The following UNC13C variants were observed in gnomAD, a reference collection of about 807,000 sequenced individuals.
The protein encoded by UNC13C is unc-13 homolog C.
UNC13C carries 174 observed loss-of-function variants against 245.4 expected under a neutral mutation model. The observed-to-expected ratio is 0.71, with a 90% CI of 0.63 to 0.80. The LOEUF is 0.80. UNC13C is among the 30% of genes least tolerant of loss of function. UNC13C has a pLI of 0.00. For missense variants in UNC13C, 2,829 were observed against 2,602.9 expected (o/e 1.09, Z -1.89); for synonymous variants, 992 against 895.1 (o/e 1.11, Z -1.93).
At chr15:53,893,048 G>A in the UNC13C span, among the ~76,000 whole-genome samples, 1 of 152,140 alleles carries the variant, frequency 6.6e-6, no homozygotes, top group South Asian at 2.1e-4. Flanking sequence ...CCTTCAGATG[G>A]GGTCTTTGAG....
At chr15:54,450,076 T>G (rs1179670587) in intron 19 of UNC13C, among the ~76,000 whole-genome samples, 1 of 152,218 alleles carries the variant, frequency 6.6e-6, no homozygotes. Context: ...CAGTGGAGGC[T>G]GCAGAACAGT....
the UNC13C span, among the ~76,000 whole-genome samples, chr15:53,928,898 C>T: frequency 2.8e-4 from 43 of 152,236 alleles, no homozygotes; most frequent in African/African-American, 9.6e-4. Context: ...GAAGACTTCA[C>T]GTTGAAATTC....
chr15:53,936,675 C>G, the UNC13C span, among the ~76,000 whole-genome samples: 1 of 152,208 alleles, frequency 6.6e-6, no homozygotes, highest in Non-Finnish European at 1.5e-5. Context: ...AAGGAGCAGG[C>G]TGCCACCTTT....
intron 30 of UNC13C, among the ~76,000 whole-genome samples, chr15:54,618,632 G>GTACACATCATAT (rs1900600618): frequency 6.6e-6 from 1 of 151,984 alleles, no homozygotes; most frequent in Admixed American, 6.6e-5. Context: ...AAATTTCACT[G>GTACACATCATAT]TACACATCAT....
At chr15:53,901,687 A>C in the UNC13C span, among the ~76,000 whole-genome samples, 6 of 152,218 alleles carry the variant, frequency 3.9e-5, no homozygotes, top group African/African-American at 1.4e-4. Context: ...TATGAGAAAT[A>C]GTCAATGGAG....
chr15:54,012,888 G>A lies in UNC13C; in HGVS notation c.-16G>A, dbSNP rs1895441294. The A allele has an allele frequency of 1.3e-6, 2 of 1,557,424 alleles. No individual in the cohort carries two copies. The highest frequency in any genetic ancestry group is 2.2e-5 in the East Asian group (1 of 44,546). On this transcript the variant is annotated 5_prime_UTR_variant, in exon 2 of 33. Coordinates refer to ENST00000260323, the MANE Select transcript of UNC13C (RefSeq NM_001080534.3). ...TTACTTTTCTGGGGCAGAAAAGCTTGCACTAATTGCTCTCCATGGTGGCTA... is the reference window on the plus strand; with the variant it reads ...TTACTTTTCTGGGGCAGAAAAGCTTACACTAATTGCTCTCCATGGTGGCTA...
intron 26 of UNC13C, among the ~76,000 whole-genome samples, chr15:54,542,901 T>C (rs1896311352): frequency 6.6e-6 from 1 of 152,178 alleles, no homozygotes; most frequent in South Asian, 2.1e-4. Context: ...TCTTAGCACA[T>C]GAGATGGGTC....
chr15:54,542,218 C>T (rs777530813), intron 26 of UNC13C, among the ~76,000 whole-genome samples: 2 of 152,032 alleles, frequency 1.3e-5, no homozygotes, highest in African/African-American at 2.4e-5. Flanking sequence ...TCATTGTTTT[C>T]AAAGAACTTA....
rs181277423 is a variant in UNC13C, at chr15:54,055,740, G to A, written c.2983+39854G>A. 1.4e-3 allele frequency among the ~76,000 whole-genome samples: 210 copies of A among 152,186 alleles called. 1 individual carries two copies. Among genetic ancestry groups the A allele is most frequent in the Middle Eastern group, 6.8e-3 (2 of 294 alleles). ...AATTTATCCCTACATTTGTTTTCTA[G>A]AAAGACATTGATAGAGTCATTCTCA... On this transcript the variant is annotated intron_variant, in intron 2 of 32. Coordinates refer to ENST00000260323, the MANE Select transcript of UNC13C (RefSeq NM_001080534.3).
At chr15:54,067,376 A>G (rs1898123730) in intron 2 of UNC13C, among the ~76,000 whole-genome samples, 2 of 152,160 alleles carry the variant, frequency 1.3e-5, no homozygotes, top group Non-Finnish European at 2.9e-5. Context: ...CTAGTTTCAT[A>G]TTTAATTAAC....
the UNC13C span, among the ~76,000 whole-genome samples, chr15:53,968,946 C>T: frequency 6.6e-6 from 1 of 152,184 alleles, no homozygotes; most frequent in African/African-American, 2.4e-5. Context: ...TTCCTACAAT[C>T]CCCACAATCC....
intron 19 of UNC13C, among the ~76,000 whole-genome samples, chr15:54,462,440 C>T (rs1891896698): frequency 6.6e-6 from 1 of 152,144 alleles, no homozygotes; most frequent in Admixed American, 6.5e-5. Flanking sequence ...CCTCTGTTTG[C>T]AGGGAGGTGT....
intron 17 of UNC13C, among the ~76,000 whole-genome samples, chr15:54,352,346 AT>A (rs2039002813): frequency 7.0e-6 from 1 of 142,156 alleles, no homozygotes; most frequent in African/African-American, 2.7e-5. Flanking sequence ...AAATGTATAT[AT>A]ATATATAGAG....
the UNC13C span, among the ~76,000 whole-genome samples, chr15:53,887,090 A>G: frequency 1.1e-4 from 17 of 152,172 alleles, no homozygotes; most frequent in Admixed American, 8.5e-4. Flanking sequence ...CTGAGTAACT[A>G]TGGACTTTGG....
At chr15:54,134,272 G>GTTT (rs5812742) in intron 2 of UNC13C, among the ~76,000 whole-genome samples, 5 of 146,646 alleles carry the variant, frequency 3.4e-5, no homozygotes, top group Non-Finnish European at 6.0e-5. Flanking sequence ...TATGAGTTCA[G>GTTT]TTTTTTTTTT....
the UNC13C span, among the ~76,000 whole-genome samples, chr15:53,962,591 C>G: frequency 6.6e-6 from 1 of 152,044 alleles, no homozygotes; most frequent in Non-Finnish European, 1.5e-5. Flanking sequence ...GATGCTGTAC[C>G]AAACAGTGAC....
chr15:54,111,325 A>G (rs1460530192), intron 2 of UNC13C, among the ~76,000 whole-genome samples: 1 of 152,188 alleles, frequency 6.6e-6, no homozygotes. Context: ...AACTTACTTA[A>G]CTTTTCATTT....
At chr15:54,300,467 G>T in intron 13 of UNC13C, 94 bp downstream of exon 13, 1 of 1,212,452 alleles carries the variant, frequency 8.2e-7, no homozygotes. Flanking sequence ...AAATGAAACT[G>T]ATTAAAAAGA....
At chr15:54,517,511 T>A (rs1566883218) in intron 24 of UNC13C, among the ~76,000 whole-genome samples, 2 of 152,118 alleles carry the variant, frequency 1.3e-5, no homozygotes, top group Non-Finnish European at 2.9e-5. Flanking sequence ...TAGAGATGCC[T>A]TTTAGCACTT....
Sources: allele counts gnomAD v4.1 joint callset (sites outside exome capture counted in the v4.1 genomes callset), GRCh38; gene constraint gnomAD v4.1.1; transcripts MANE v1.5; gene names NCBI Gene and HGNC (gene_info 2026-07-23, HGNC 2026-07-21).